The following CDH13 variants were observed in gnomAD, a reference collection of about 807,000 sequenced individuals.
The protein encoded by CDH13 is cadherin-13.
A neutral mutation model predicts 63.8 loss-of-function variants in CDH13; 24 were observed. The ratio of observed to expected loss-of-function variants is 0.38; its 90% confidence interval spans 0.27 to 0.53. The LOEUF is 0.53. CDH13 is among the 20% of genes least tolerant of loss of function. The probability of loss-of-function intolerance (pLI) is 0.85; values close to 1 mark genes in which losing one functional copy is unlikely to be tolerated. For synonymous variants in CDH13, 503 were observed against 355.3 expected, an observed-to-expected ratio of 1.42 and a Z score of -4.67; for missense variants, 1,049 against 903.1, an observed-to-expected ratio of 1.16 and a Z score of -2.07.
chr16:83,535,720 T>C (rs2075170006), intron 7 of CDH13, among the ~76,000 whole-genome samples: 1 of 152,098 alleles, frequency 6.6e-6, no homozygotes, highest in Admixed American at 6.6e-5. Flanking sequence ...GTTCATTTTT[T>C]TTGGAGTGTC....
intron 7 of CDH13, among the ~76,000 whole-genome samples, chr16:83,598,015 C>T (rs1186634714): frequency 2.6e-5 from 4 of 152,148 alleles, no homozygotes; most frequent in African/African-American, 4.8e-5. Flanking sequence ...GTATCCAACA[C>T]GACATTTAGA....
intron 10 of CDH13, among the ~76,000 whole-genome samples, chr16:83,747,446 G>A (rs1912695502): frequency 6.6e-6 from 1 of 152,050 alleles, no homozygotes; most frequent in Non-Finnish European, 1.5e-5. Flanking sequence ...TGATTGCGAG[G>A]CCTCCTTAGC....
rs550813622 is a variant in CDH13 at position 83,220,229 on chromosome 16, G to C, written c.636+2732G>C. Among the ~76,000 whole-genome samples, 84 of 152,310 alleles carry C rather than the reference G, an allele frequency of 5.5e-4. No individual in the cohort carries two copies. In the South Asian group the frequency reaches 0.017, roughly 30 times the overall value. ...TTGCTGAAGCTTCTTCCTTGAAGAAGCAAGTTTGAGGAAGAGCCCCGATCA... is the reference window on the plus strand; with the variant it reads ...TTGCTGAAGCTTCTTCCTTGAAGAACCAAGTTTGAGGAAGAGCCCCGATCA... On this transcript the variant is annotated intron_variant, in intron 5 of 13. Transcript: ENST00000567109.
At chr16:83,578,469 C>A (rs1199405368) in intron 7 of CDH13, among the ~76,000 whole-genome samples, 1 of 152,104 alleles carries the variant, frequency 6.6e-6, no homozygotes, top group African/African-American at 2.4e-5. Context: ...GAGAGACGCA[C>A]AAATGTCATG....
chr16:83,054,318 A>G (rs1490800911), intron 3 of CDH13, among the ~76,000 whole-genome samples: 1 of 152,238 alleles, frequency 6.6e-6, no homozygotes, highest in African/African-American at 2.4e-5. Context: ...TAAAAACAAT[A>G]ACGAATAGTA....
intron 4 of CDH13, among the ~76,000 whole-genome samples, chr16:83,179,595 T>A (rs2038266534): frequency 6.7e-6 from 1 of 149,942 alleles, no homozygotes; most frequent in Admixed American, 6.6e-5. Context: ...GAGCTTGCAG[T>A]GAGCCGAGAT....
chr16:83,476,641 C>G (rs990042829), intron 6 of CDH13, among the ~76,000 whole-genome samples: 7 of 152,264 alleles, frequency 4.6e-5, no homozygotes, highest in East Asian at 1.9e-4. Flanking sequence ...CCACTGCACT[C>G]CAGCCTGCAC....
At chr16:83,531,976 T>C (rs921327127) in intron 7 of CDH13, among the ~76,000 whole-genome samples, 45 of 152,186 alleles carry the variant, frequency 3.0e-4, no homozygotes, top group African/African-American at 1.1e-3. Context: ...CCATGTGTTA[T>C]GGGAGGCACC....
At chr16:83,759,747 C>T (rs926257715) in intron 11 of CDH13, among the ~76,000 whole-genome samples, 1 of 151,666 alleles carries the variant, frequency 6.6e-6, no homozygotes, top group Non-Finnish European at 1.5e-5. Flanking sequence ...AGTAATAAAG[C>T]AAGACCTTAT....
At chr16:83,564,101 G>A (rs191729481) in intron 7 of CDH13, among the ~76,000 whole-genome samples, 185 of 152,256 alleles carry the variant, frequency 1.2e-3, no homozygotes, top group African/African-American at 4.1e-3. Context: ...ACCTTGCCTG[G>A]TGTTTTGCAA....
intron 8 of CDH13, among the ~76,000 whole-genome samples, chr16:83,648,546 G>A (rs988617828): frequency 6.6e-6 from 1 of 152,138 alleles, no homozygotes; most frequent in Non-Finnish European, 1.5e-5. Context: ...GCTGCCCAGA[G>A]TGGTCAGTGA....
At chr16:82,965,785 T>C (rs1332366623) in intron 2 of CDH13, among the ~76,000 whole-genome samples, 1 of 152,144 alleles carries the variant, frequency 6.6e-6, no homozygotes, top group African/African-American at 2.4e-5. Flanking sequence ...GAGCCACTGC[T>C]CCCGGCCAGT....
chr16:82,877,802 T>G (rs948785496), intron 2 of CDH13, among the ~76,000 whole-genome samples: 1 of 138,700 alleles, frequency 7.2e-6, no homozygotes, highest in Non-Finnish European at 1.5e-5. Context: ...ATTCATTTTT[T>G]TTTTTTTAAA....
At chr16:82,757,161 C>T (rs530241343) in intron 1 of CDH13, among the ~76,000 whole-genome samples, 5 of 152,272 alleles carry the variant, frequency 3.3e-5, no homozygotes, top group Admixed American at 6.5e-5. Context: ...ATCCTATCTA[C>T]TCTCCTGTTT....
At chr16:83,197,586 C>G (rs1041703359) in intron 4 of CDH13, among the ~76,000 whole-genome samples, 2 of 152,094 alleles carry the variant, frequency 1.3e-5, no homozygotes, top group African/African-American at 4.8e-5. Context: ...GAGAACAGAT[C>G]AGTGGCTGCC....
At chr16:82,926,946 G>C (rs2042322781) in intron 2 of CDH13, among the ~76,000 whole-genome samples, 1 of 152,146 alleles carries the variant, frequency 6.6e-6, no homozygotes. Context: ...ACTCACAAAT[G>C]TGTCATTTGT....
chr16:82,861,214 G>A (rs1457291216), intron 2 of CDH13, among the ~76,000 whole-genome samples: 1 of 152,206 alleles, frequency 6.6e-6, no homozygotes, highest in Non-Finnish European at 1.5e-5. Context: ...TACACAGTGA[G>A]AAAACTAGAT....
intron 8 of CDH13, among the ~76,000 whole-genome samples, chr16:83,663,785 C>T (rs898033793): frequency 6.6e-6 from 1 of 152,120 alleles, no homozygotes; most frequent in African/African-American, 2.4e-5. Flanking sequence ...AGCTACCTCC[C>T]ATGGGCATTA....
At chr16:83,417,663 T>G (rs1024514754) in intron 6 of CDH13, among the ~76,000 whole-genome samples, 4 of 152,134 alleles carry the variant, frequency 2.6e-5, no homozygotes, top group African/African-American at 9.7e-5. Flanking sequence ...CTAGAGAAAC[T>G]CCAAAGCAAC....
Sources: allele counts gnomAD v4.1 joint callset (sites outside exome capture counted in the v4.1 genomes callset), GRCh38; gene constraint gnomAD v4.1.1; transcripts MANE v1.5; gene names NCBI Gene and HGNC (gene_info 2026-07-23, HGNC 2026-07-21).